FERRY3: variants seen among roughly 807,000 people sequenced by gnomAD.
FERRY3 encodes the protein FERRY endosomal RAB5 effector complex subunit 3.
At chr12:4,517,260 G>C in the FERRY3 span, 4 of 1,325,914 alleles carry the variant, frequency 3.0e-6, no homozygotes, top group Non-Finnish European at 9.9e-7. Flanking sequence ...CTTACAATGA[G>C]ATTTAGTAGA....
chr12:4,536,943 A>T, the FERRY3 span, among the ~76,000 whole-genome samples: 3 of 152,178 alleles, frequency 2.0e-5, no homozygotes, highest in Admixed American at 2.0e-4. Flanking sequence ...CTTCCTTTTT[A>T]AAAAAGGAAT....
At chr12:4,527,428 ATG>A in the FERRY3 span, among the ~76,000 whole-genome samples, 2 of 152,176 alleles carry the variant, frequency 1.3e-5, no homozygotes, top group Non-Finnish European at 2.9e-5. Context: ...CTGGCTCAGT[ATG>A]TGAGATGTGA....
the FERRY3 span, chr12:4,525,436 C>A: frequency 2.5e-6 from 4 of 1,599,726 alleles, no homozygotes; most frequent in Non-Finnish European, 3.4e-6. Flanking sequence ...AACAAAAAAA[C>A]AAAAGAAAAT....
the FERRY3 span, chr12:4,535,930 G>C: frequency 1.7e-6 from 2 of 1,161,098 alleles, no homozygotes; most frequent in Non-Finnish European, 2.3e-6. The surrounding 1 kb of genome is among the most constrained non-coding windows in gnomAD (Gnocchi z 4.0). Context: ...AAGCTTCTTA[G>C]GTTTATGCTT....
At chr12:4,489,831 T>G in the FERRY3 span, 2 of 1,608,706 alleles carry the variant, frequency 1.2e-6, no homozygotes, top group Middle Eastern at 1.7e-4. Flanking sequence ...TCAGAGTGAG[T>G]GTTGATGATA....
At chr12:4,500,446 A>AAAT in the FERRY3 span, 1 of 942,812 alleles carries the variant, frequency 1.1e-6, no homozygotes, top group Non-Finnish European at 1.6e-6. Flanking sequence ...TTGAACTAGT[A>AAAT]GGGGTGTATC....
At chr12:4,517,061 C>G in the FERRY3 span, 1 of 1,542,128 alleles carries the variant, frequency 6.5e-7, no homozygotes, top group Non-Finnish European at 8.7e-7. Flanking sequence ...TTTTACCCAC[C>G]AAGTGATTCT....
the FERRY3 span, among the ~76,000 whole-genome samples, chr12:4,514,341 T>G: frequency 1.9e-4 from 28 of 151,206 alleles, no homozygotes; most frequent in African/African-American, 5.4e-4. Context: ...GTGTGGCGAT[T>G]CCTCAGGTAT....
the FERRY3 span, among the ~76,000 whole-genome samples, chr12:4,492,402 A>G: frequency 6.6e-6 from 1 of 152,188 alleles, no homozygotes; most frequent in African/African-American, 2.4e-5. Context: ...ATAAGAATAA[A>G]AAGGCAAATA....
the FERRY3 span, among the ~76,000 whole-genome samples, chr12:4,535,535 A>G: frequency 6.6e-6 from 1 of 152,346 alleles, no homozygotes; most frequent in Admixed American, 6.5e-5. The surrounding 1 kb of genome is among the most constrained non-coding windows in gnomAD (Gnocchi z 4.0). Context: ...CTAGACTGTG[A>G]GATAGAGCAC....
At chr12:4,505,408 G>A in the FERRY3 span, 16 of 1,451,298 alleles carry the variant, frequency 1.1e-5, no homozygotes, top group African/African-American at 2.1e-4. Flanking sequence ...CAATATGAAA[G>A]AACATAACAA....
the FERRY3 span, among the ~76,000 whole-genome samples, chr12:4,536,576 G>A: frequency 6.6e-6 from 1 of 152,140 alleles, no homozygotes; most frequent in South Asian, 2.1e-4. Flanking sequence ...TTAAGAAACC[G>A]TTGGTAAAAA....
the FERRY3 span, among the ~76,000 whole-genome samples, chr12:4,506,667 A>G: frequency 6.6e-6 from 1 of 152,132 alleles, no homozygotes; most frequent in Non-Finnish European, 1.5e-5. Context: ...TTCCCTTTCC[A>G]TGTTTTCATG....
the FERRY3 span, chr12:4,500,478 G>T: frequency 4.2e-6 from 3 of 713,626 alleles, no homozygotes; most frequent in Non-Finnish European, 4.7e-6. Flanking sequence ...CTGGATTCAG[G>T]AAGCAACTGT....
chr12:4,494,095 AAAAT>A, the FERRY3 span, among the ~76,000 whole-genome samples: 3 of 152,170 alleles, frequency 2.0e-5, no homozygotes, highest in South Asian at 2.1e-4. Flanking sequence ...TCCGTCTCAA[AAAAT>A]AAATAAATAA....
At chr12:4,504,053 T>C in the FERRY3 span, among the ~76,000 whole-genome samples, 1 of 152,094 alleles carries the variant, frequency 6.6e-6, no homozygotes, top group Non-Finnish European at 1.5e-5. Context: ...AAACAGCATG[T>C]GGTGATGCTA....
chr12:4,498,418 C>CT, the FERRY3 span, among the ~76,000 whole-genome samples: 2 of 152,076 alleles, frequency 1.3e-5, no homozygotes, highest in African/African-American at 4.8e-5. Context: ...CTTTATAAAG[C>CT]TACAGTAGGG....
the FERRY3 span, chr12:4,536,253 A>T: frequency 2.5e-6 from 3 of 1,195,994 alleles, no homozygotes; most frequent in Non-Finnish European, 3.4e-6. Context: ...AAGTCCATAA[A>T]GAAATTATGT....
the FERRY3 span, chr12:4,491,181 GAC>G: frequency 6.2e-7 from 1 of 1,613,076 alleles, no homozygotes; most frequent in Non-Finnish European, 8.5e-7. Flanking sequence ...GCTCACCTTT[GAC>G]ACACTTGAAC....
Sources: allele counts gnomAD v4.1 joint callset (sites outside exome capture counted in the v4.1 genomes callset), GRCh38; gene constraint gnomAD v4.1.1; non-coding constraint Gnocchi (gnomAD v3.1); transcripts MANE v1.5; gene names NCBI Gene and HGNC (gene_info 2026-07-23, HGNC 2026-07-21).